EGFLAM: variants seen among roughly 807,000 people sequenced by gnomAD.
EGFLAM encodes EGF like, fibronectin type III and laminin G domains.
A neutral mutation model predicts 113.1 loss-of-function variants in EGFLAM; 79 were observed. The observed-to-expected ratio is 0.70, with a 90% CI of 0.58 to 0.84. The LOEUF is 0.84. EGFLAM is among the 40% of genes least tolerant of loss of function. The pLI, the probability that EGFLAM is intolerant of heterozygous loss-of-function variation, is 0.00. For missense variants in EGFLAM, 1,265 were observed against 1,291.6 expected (o/e 0.98, Z 0.32); for synonymous variants, 504 against 487.6 (o/e 1.03, Z -0.44).
chr5:38,460,797 C>A (rs1743245674), intron 20 of EGFLAM: 1 of 152,260 alleles, frequency 6.6e-6, no homozygotes, highest in South Asian at 2.1e-4. Flanking sequence ...TACCTTAATT[C>A]TCTGTAGCAG....
intron 1 of EGFLAM, among the ~76,000 whole-genome samples, chr5:38,300,404 C>T (rs1044453580): frequency 4.7e-5 from 7 of 147,466 alleles, no homozygotes; most frequent in African/African-American, 1.8e-4. Flanking sequence ...GATGGAGTCT[C>T]ACTCTGTTCA....
At chr5:38,333,260 A>G (rs1222850970) in intron 1 of EGFLAM, among the ~76,000 whole-genome samples, 1 of 152,188 alleles carries the variant, frequency 6.6e-6, no homozygotes, top group African/African-American at 2.4e-5. Flanking sequence ...TGCAATGAAC[A>G]TTCACATGCA....
intron 1 of EGFLAM, among the ~76,000 whole-genome samples, chr5:38,332,346 G>A (rs1739067505): frequency 6.6e-6 from 1 of 151,998 alleles, no homozygotes; most frequent in Admixed American, 6.6e-5. Context: ...GTAAATACAT[G>A]CCATGGGAGT....
intron 12 of EGFLAM, among the ~76,000 whole-genome samples, chr5:38,419,300 C>G (rs537129732): frequency 1.3e-5 from 2 of 152,304 alleles, no homozygotes; most frequent in African/African-American, 4.8e-5. Context: ...AACAGGGTCT[C>G]TATGATATCA....
intron 16 of EGFLAM, among the ~76,000 whole-genome samples, chr5:38,436,818 A>G (rs1002360328): frequency 1.3e-5 from 2 of 152,176 alleles, no homozygotes; most frequent in African/African-American, 4.8e-5. Flanking sequence ...TGCAGCCTGA[A>G]AGGGGGAGAT....
intron 15 of EGFLAM, among the ~76,000 whole-genome samples, chr5:38,432,737 A>G (rs1322668717): frequency 6.6e-6 from 1 of 152,204 alleles, no homozygotes; most frequent in Non-Finnish European, 1.5e-5. Flanking sequence ...GGATGGGAAC[A>G]TTTGTCAAAA....
intron 1 of EGFLAM, 100 bp from the exon 2 acceptor site, chr5:38,337,420 G>A (rs980830048): frequency 9.3e-7 from 1 of 1,075,338 alleles, no homozygotes; most frequent in African/African-American, 1.6e-5. Flanking sequence ...CTTTAAGTAT[G>A]CTTTTCATCT....
Position 38,371,801 on chromosome 5 carries a change from T to G in EGFLAM, c.712+1339T>G, listed in dbSNP as rs1740227660. ...CTAGAAGAAATGTTGATGATTCGAT[T>G]TAAAGGAAGGCCTTGTTTGATTACT... On this transcript the variant is annotated intron_variant, in intron 6 of 21. Coordinates refer to ENST00000322350, the MANE Select transcript of EGFLAM (RefSeq NM_152403.4). Among the ~76,000 whole-genome samples, 5 of 152,322 alleles carry G rather than the reference T, an allele frequency of 3.3e-5. 1 individual carries two copies. In the South Asian group the frequency reaches 1.0e-3, roughly 32 times the overall value.
chr5:38,433,017 G>A (rs1354553701), intron 15 of EGFLAM, among the ~76,000 whole-genome samples: 1 of 152,160 alleles, frequency 6.6e-6, no homozygotes, highest in East Asian at 1.9e-4. Flanking sequence ...TGCATTGGAG[G>A]GACATTCTGC....
chr5:38,439,920 C>G (rs1447019144), intron 17 of EGFLAM, among the ~76,000 whole-genome samples: 2 of 152,146 alleles, frequency 1.3e-5, no homozygotes, highest in Non-Finnish European at 2.9e-5. Context: ...TATGTAAATC[C>G]CGGACTTAGA....
intron 1 of EGFLAM, among the ~76,000 whole-genome samples, chr5:38,274,640 TC>T (rs1255581055): frequency 1.3e-5 from 2 of 152,016 alleles, no homozygotes; most frequent in Non-Finnish European, 2.9e-5. Flanking sequence ...ATAAAGACTT[TC>T]CCAGACAAAC....
At chr5:38,435,361 A>C (rs1742310873) in intron 16 of EGFLAM, 108 bp downstream of exon 16, 1 of 853,368 alleles carries the variant, frequency 1.2e-6, no homozygotes, top group African/African-American at 1.7e-5. Flanking sequence ...CACTTTGAGA[A>C]AGTTTTAACA....
At chr5:38,349,643 C>T (rs1739562143) in intron 3 of EGFLAM, among the ~76,000 whole-genome samples, 1 of 152,088 alleles carries the variant, frequency 6.6e-6, no homozygotes, top group Non-Finnish European at 1.5e-5. Flanking sequence ...CCGATCAGAC[C>T]CAGGCTCCCA....
At chr5:38,334,435 C>A (rs1739131685) in intron 1 of EGFLAM, among the ~76,000 whole-genome samples, 1 of 152,088 alleles carries the variant, frequency 6.6e-6, no homozygotes, top group Admixed American at 6.5e-5. Flanking sequence ...CTTCACATAG[C>A]AGAAGGGGAG....
chr5:38,320,617 T>A (rs373543963), intron 1 of EGFLAM, among the ~76,000 whole-genome samples: 2 of 152,164 alleles, frequency 1.3e-5, no homozygotes, highest in African/African-American at 4.8e-5. Flanking sequence ...TGTGTGCATA[T>A]GCTTACGTGT....
chr5:38,407,088 C>CT lies in EGFLAM; in HGVS notation c.1090dup (p.Trp364LeufsTer15). ...ACAGCTTCTGTGTCAATGACTACAC[C>CT]TGGGGGGGCTCGCGATGCCAGTGCA... is the stretch of plus-strand genomic sequence containing the variant. On this transcript the variant is annotated frameshift_variant, in exon 8 of 22. Transcript: ENST00000322350. LOFTEE classifies it high-confidence loss of function. The CT allele has an allele frequency of 6.2e-7, 1 of 1,614,092 alleles. No homozygotes were observed. Among genetic ancestry groups the CT allele is most frequent in the South Asian group, 1.1e-5 (1 of 91,074 alleles).
chr5:38,331,854 A>C (rs1386135830), intron 1 of EGFLAM, among the ~76,000 whole-genome samples: 1 of 152,196 alleles, frequency 6.6e-6, no homozygotes, highest in Non-Finnish European at 1.5e-5. Context: ...TTTACTTCCA[A>C]GTTTTGGCAA....
intron 4 of EGFLAM, 71 bp downstream of exon 4, chr5:38,350,689 A>G: frequency 1.4e-6 from 2 of 1,406,584 alleles, no homozygotes; most frequent in Non-Finnish European, 2.0e-6. Flanking sequence ...GCAAATATCA[A>G]TAGGGACTTA....
chr5:38,370,324 A>G lies in EGFLAM; in HGVS notation c.574A>G (p.Ile192Val), dbSNP rs751662132. 4 of 1,614,126 alleles carry G rather than the reference A, an allele frequency of 2.5e-6. No homozygotes were observed. Among genetic ancestry groups the G allele is most frequent in the Non-Finnish European group, 2.5e-6 (3 of 1,180,000 alleles). ...AGATTTCGACAAGAAGTGGACCTCA[A>G]TCCATGAGCGGATCCAGATGGACTC... ...RPDFDKKWTSIHERIQMDSMV... is the reference protein window; with the variant it reads ...RPDFDKKWTSVHERIQMDSMV... The change falls in exon 6 of 22, where the codon ATC becomes GTC. Residue 192 changes from isoleucine (I) to valine (V), a missense_variant. Transcript: ENST00000322350.
Sources: gnomAD v4.1 joint callset for allele counts (sites outside exome capture counted in the v4.1 genomes callset) on GRCh38, gnomAD v4.1.1 for gene constraint, MANE v1.5 for transcripts, NCBI Gene and HGNC (gene_info 2026-07-23, HGNC 2026-07-21) for gene names.